IL4R: variants seen among roughly 807,000 people sequenced by gnomAD.
IL4R encodes interleukin 4 receptor.
Under a neutral mutation model 41.5 loss-of-function variants are expected in IL4R, and 17 were observed. The observed-to-expected ratio is 0.41, with a 90% CI of 0.28 to 0.61. The LOEUF (loss-of-function observed/expected upper bound fraction) is 0.61. Among genes scored for constraint, IL4R ranks in the 20% least tolerant of loss-of-function variants. The probability of loss-of-function intolerance (pLI) is 0.31; values close to 1 mark genes in which losing one functional copy is unlikely to be tolerated. For synonymous variants in IL4R, 402 were observed against 422.9 expected, an observed-to-expected ratio of 0.95 and a Z score of 0.61; for missense variants, 974 against 1,043.1, an observed-to-expected ratio of 0.93 and a Z score of 0.91.
rs865985867 is a variant in IL4R, at chr16:27,338,923, G to A, written c.-18-1263G>A. Among the ~76,000 whole-genome samples, 44 of 151,910 alleles carry A rather than the reference G, an allele frequency of 2.9e-4. 1 individual carries two copies. The highest frequency in any genetic ancestry group is 7.9e-4 in the Admixed American group (12 of 15,208). On this transcript the variant is annotated intron_variant, in intron 2 of 10. Transcript: ENST00000395762. ...GGCTGGAGTACAATGACGCGATCTC[G>A]ACTCACTGCAACCTCTGCCTACCCC...
In IL4R at chr16:27,364,343, T is replaced by G; in HGVS notation, c.*513T>G. 6.3e-6 allele frequency: 1 copy of G among 159,670 alleles called. No homozygotes were observed. The highest frequency in any genetic ancestry group is 1.4e-5 in the Non-Finnish European group (1 of 72,816). The allele number at this position is 159,670 out of a possible 1,614,324, so 9.9% of individuals were successfully genotyped here. A position where few individuals can be genotyped will look rare whatever the true frequency, so the allele number is the denominator to read the frequency against. On this transcript the variant is annotated 3_prime_UTR_variant, in exon 11 of 11. Transcript: ENST00000395762. ...ATGAGAAATTGAACTTCAGGGAGGG[T>G]GGTCATTGCCTAGAGGTGCTCATTC...
At chr16:27,359,035 A>C in intron 9 of IL4R, 41 bp downstream of exon 9, 2 of 1,484,728 alleles carry the variant, frequency 1.3e-6, no homozygotes, top group South Asian at 2.3e-5. Context: ...GACTGTGTAC[A>C]TGAAGAAGTG....
intron 1 of IL4R, among the ~76,000 whole-genome samples, chr16:27,324,840 C>T (rs548118929): frequency 6.6e-6 from 1 of 152,186 alleles, no homozygotes; most frequent in African/African-American, 2.4e-5. Flanking sequence ...CTTCTCTTCT[C>T]GGCTCTCCAT....
In IL4R at chr16:27,352,451, G is replaced by T. The variant is rs566205011; in HGVS notation, c.514-89G>T. ...ACCCAGGCTGGTGGCTCTTAAACAT[G>T]GTGGGGTCAGCTAACGACAGCAACC... On this transcript the variant is annotated intron_variant, in intron 6 of 10. Coordinates refer to ENST00000395762, the MANE Select transcript of IL4R (RefSeq NM_000418.4). 2.9e-5 allele frequency: 31 copies of T among 1,075,826 alleles called. No individual in the cohort carries two copies. The African/African-American group carries it at 4.5e-4, about 16-fold the overall frequency. The allele number at this position is 1,075,826 out of a possible 1,614,324, so 66.6% of individuals were successfully genotyped here. A position where few individuals can be genotyped will look rare whatever the true frequency, so the allele number is the denominator to read the frequency against.
chr16:27,342,259 A>T lies in IL4R; in HGVS notation c.209A>T (p.Glu70Val). 1 of 1,614,096 alleles carries T rather than the reference A, an allele frequency of 6.2e-7. No individual in the cohort carries two copies. The highest frequency in any genetic ancestry group is 8.5e-7 in the Non-Finnish European group (1 of 1,179,990). Residue 70 changes from glutamate (E) to valine (V), a missense_variant and splice_region_variant, in exon 4 of 11, where the codon GAA (glutamate) becomes GTA (valine). Transcript: ENST00000395762. ...LLYQLVFLLS[E>V]AHTCIPENNG... ...TACCAGCTGGTTTTTCTGCTCTCCG[A>T]GTAAGCCTGCGCTGGAGCTGGAGGT...
intron 6 of IL4R, among the ~76,000 whole-genome samples, chr16:27,347,941 G>C (rs1255781949): frequency 6.6e-6 from 1 of 152,238 alleles, no homozygotes; most frequent in Non-Finnish European, 1.5e-5. Context: ...CCTTTCTCTT[G>C]AGTGCCCCAG....
intron 6 of IL4R, among the ~76,000 whole-genome samples, chr16:27,351,528 TTCC>T (rs1225555819): frequency 8.1e-6 from 1 of 122,792 alleles, no homozygotes. Flanking sequence ...TTTTTTTTTT[TTCC>T]GAGACGAAGT....
chr16:27,360,959 G>C, intron 10 of IL4R, 144 bp downstream of exon 10: 1 of 1,544,486 alleles, frequency 6.5e-7, no homozygotes, highest in Non-Finnish European at 8.7e-7. Context: ...GACGGCAGGA[G>C]GAGGGGTGTT....
Position 27,363,972 on chromosome 16 carries a change from C to A in IL4R, c.*142C>A. 2 of 994,778 alleles carry A rather than the reference C, an allele frequency of 2.0e-6. No homozygotes were observed. Among genetic ancestry groups the A allele is most frequent in the Non-Finnish European group, 3.0e-6 (2 of 676,550 alleles). 61.6% of individuals were successfully genotyped at this position (994,778 alleles called of 1,614,324 possible). A position where few individuals can be genotyped will look rare whatever the true frequency, so the allele number is the denominator to read the frequency against. On this transcript the variant is annotated 3_prime_UTR_variant, in exon 11 of 11. Coordinates refer to ENST00000395762, the MANE Select transcript of IL4R (RefSeq NM_000418.4). ...CATGGTATGAAGGTGATTGGCCCCA[C>A]TGACGTTGGCCTAACACTGGGCTGC...
In IL4R at chr16:27,344,912, G is replaced by A. The variant is rs141983833; in HGVS notation, c.253G>A (p.Val85Met). Residue 85 changes from valine (V) to methionine (M), a missense_variant, in exon 5 of 11, where the codon GTG becomes ATG. Around this residue, in one of 3 missense-constraint regions of IL4R, gnomAD observed 284 missense variants for 313.4 expected, o/e 0.91. Coordinates refer to ENST00000395762, the MANE Select transcript of IL4R (RefSeq NM_000418.4). Reference protein sequence around the residue: ...IPENNGGAGCVCHLLMDDVVS... With the variant: ...IPENNGGAGCMCHLLMDDVVS... ...TGAGAACAACGGAGGCGCGGGGTGCGTGTGCCACCTGCTCATGGATGACGT... is the reference window on the plus strand; with the variant it reads ...TGAGAACAACGGAGGCGCGGGGTGCATGTGCCACCTGCTCATGGATGACGT... 263 of 1,614,178 alleles carry A rather than the reference G, an allele frequency of 1.6e-4. 3 individuals are homozygous for A. In the African/African-American group the frequency reaches 3.0e-3, roughly 18 times the overall value.
At chr16:27,342,057 G>A in intron 3 of IL4R, 64 bp from the exon 4 acceptor site, 2 of 1,575,212 alleles carry the variant, frequency 1.3e-6, no homozygotes, top group Non-Finnish European at 1.7e-6. Context: ...GGTCCTGTTT[G>A]GGTGCAAGTC....
chr16:27,327,320 C>A (rs1398055449), intron 1 of IL4R, among the ~76,000 whole-genome samples: 1 of 152,172 alleles, frequency 6.6e-6, no homozygotes, highest in Non-Finnish European at 1.5e-5. Flanking sequence ...GCCCCCTGCC[C>A]CCCTGCCACC....
intron 1 of IL4R, among the ~76,000 whole-genome samples, chr16:27,325,401 G>T (rs892017997): frequency 1.3e-5 from 2 of 152,008 alleles, no homozygotes; most frequent in African/African-American, 4.8e-5. Flanking sequence ...GCAAAACCCT[G>T]TGTCTGCTAA....
intron 9 of IL4R, among the ~76,000 whole-genome samples, chr16:27,359,479 G>A (rs1008690408): frequency 1.6e-4 from 24 of 152,332 alleles, no homozygotes; most frequent in African/African-American, 5.3e-4. Flanking sequence ...CCAAGGCGAT[G>A]GTCCTGTGGG....
chr16:27,337,251 G>A (rs1483571114), intron 2 of IL4R, among the ~76,000 whole-genome samples: 1 of 152,050 alleles, frequency 6.6e-6, no homozygotes, highest in Non-Finnish European at 1.5e-5. Flanking sequence ...TCCAGCAGGG[G>A]CCTAGAGCTC....
intron 5 of IL4R, among the ~76,000 whole-genome samples, chr16:27,346,242 G>A (rs56107934): frequency 5.7e-4 from 87 of 152,282 alleles, no homozygotes; most frequent in Non-Finnish European, 9.9e-4. Flanking sequence ...AAGAAAAAAA[G>A]GGTAATTAAT....
intron 3 of IL4R, chr16:27,340,998 C>CA (rs1312584051): frequency 1.9e-6 from 1 of 515,088 alleles, no homozygotes; most frequent in Non-Finnish European, 3.7e-6. Context: ...AGCAAGGTGA[C>CA]AGAGTGGCTG....
intron 2 of IL4R, among the ~76,000 whole-genome samples, chr16:27,330,622 T>G (rs1462752636): frequency 6.6e-6 from 1 of 152,080 alleles, no homozygotes; most frequent in Non-Finnish European, 1.5e-5. Flanking sequence ...GGCATAGGTT[T>G]GTGTATGCAG....
chr16:27,321,267 C>T (rs958520423), intron 1 of IL4R, among the ~76,000 whole-genome samples: 5 of 152,110 alleles, frequency 3.3e-5, no homozygotes, highest in Non-Finnish European at 7.4e-5. Context: ...TAGGAGCTTC[C>T]ACTTTCTGAG....
Sources: gnomAD v4.1 joint callset for allele counts (sites outside exome capture counted in the v4.1 genomes callset) on GRCh38, gnomAD v4.1.1 for gene constraint, gnomAD v4.1.1 regional missense constraint, MANE v1.5 for transcripts, NCBI Gene and HGNC (gene_info 2026-07-23, HGNC 2026-07-21) for gene names.